The following PCDHGB5 variants were observed in gnomAD, a reference collection of about 807,000 sequenced individuals.
The protein encoded by PCDHGB5 is protocadherin gamma subfamily B, 5.
Under a neutral mutation model 62.9 loss-of-function variants are expected in PCDHGB5, and 48 were observed. That is an observed-to-expected ratio of 0.76 (90% CI 0.61 to 0.97). The LOEUF is 0.97. Ranked by LOEUF, PCDHGB5 falls within the 50% of genes least tolerant of loss-of-function variation. The probability of loss-of-function intolerance (pLI) is 0.00; values close to 1 mark genes in which losing one functional copy is unlikely to be tolerated. For synonymous variants in PCDHGB5, 474 were observed against 511.2 expected (o/e 0.93, Z 0.98); for missense variants, 1,118 against 1,198.6 (o/e 0.93, Z 0.99).
chr5:141,409,441 G>A (rs1432743588), intron 1 of PCDHGB5: 1 of 1,613,884 alleles, frequency 6.2e-7, no homozygotes, highest in Admixed American at 1.7e-5. Context: ...TGGACCGAGA[G>A]CAGACACCAG....
chr5:141,413,599 C>G, intron 1 of PCDHGB5: 2 of 1,613,830 alleles, frequency 1.2e-6, no homozygotes, highest in East Asian at 2.2e-5. Flanking sequence ...AGCAGAAAAT[C>G]TAGACGTAAA....
Position 141,400,525 on chromosome 5 carries a change from G to T in PCDHGB5, c.2397+1G>T. On this transcript the variant is annotated splice_donor_variant, in intron 1 of 3. Transcript: ENST00000617380. LOFTEE classifies it high-confidence loss of function. ...CGAGTCGACTTCCCATCCTGAGTTG[G>T]TGAGTTTCATTTATGTCTATTCTTT... 2 of 1,613,908 alleles carry T rather than the reference G, an allele frequency of 1.2e-6. No homozygotes were observed. The highest frequency in any genetic ancestry group is 1.7e-6 in the Non-Finnish European group (2 of 1,179,816).
rs756761584 is a variant in PCDHGB5 at position 141,476,545 on chromosome 5, G to A, written c.2398-18262G>A. 13 of 1,614,230 alleles carry A rather than the reference G, an allele frequency of 8.1e-6. No homozygotes were observed. The Admixed American group carries it at 2.2e-4, about 27-fold the overall frequency. On this transcript the variant is annotated intron_variant, in intron 1 of 3. Coordinates refer to ENST00000617380, the MANE Select transcript of PCDHGB5 (RefSeq NM_018925.3). This position sits in a 1 kb window ranked among gnomAD's most constrained non-coding sequence, Gnocchi z 7.6. ...TCCCTACCCAGGAAATGAAATTGGA[G>A]ATTAGCGAGGCCGTGGCTCCGGGGA...
chr5:141,417,754 C>A, intron 1 of PCDHGB5: 2 of 1,431,302 alleles, frequency 1.4e-6, no homozygotes, highest in Non-Finnish European at 1.8e-6. Flanking sequence ...TTGCCAGCTC[C>A]GAGACCCGGG....
Position 141,511,606 on chromosome 5 carries a change from G to A in PCDHGB5, c.*433G>A, listed in dbSNP as rs1160129762. The stretch of plus-strand genomic sequence containing the variant: ...TGTTGAAGTACCAAGTAACCTACAA[G>A]CCTCCTAGTTCTGAAAAGTTGGAAG... On this transcript the variant is annotated 3_prime_UTR_variant, in exon 4 of 4. Transcript: ENST00000617380. 2 of 248,594 alleles carry A rather than the reference G, an allele frequency of 8.0e-6. No individual in the cohort carries two copies. Among genetic ancestry groups the A allele is most frequent in the Non-Finnish European group, 1.6e-5 (2 of 123,946 alleles). 15.4% of individuals were successfully genotyped at this position (248,594 alleles called of 1,614,324 possible). A position where few individuals can be genotyped will look rare whatever the true frequency, so the allele number is the denominator to read the frequency against.
In PCDHGB5 at chr5:141,432,218, A is replaced by T. The variant is rs570925415; in HGVS notation, c.2397+31694A>T. On this transcript the variant is annotated intron_variant, in intron 1 of 3. Transcript: ENST00000617380. This position sits in a 1 kb window ranked among gnomAD's most constrained non-coding sequence, Gnocchi z 6.0. Reference sequence around the variant, plus strand: ...CCCCGACTGTGAAGAGAACGCCCAGATCACTTATTCCCTGGCTGAGAACAC... The same window carrying T: ...CCCCGACTGTGAAGAGAACGCCCAGTTCACTTATTCCCTGGCTGAGAACAC... The T allele has an allele frequency of 6.2e-7, 1 of 1,614,148 alleles. No homozygotes were observed. The highest frequency in any genetic ancestry group is 1.3e-5 in the African/African-American group (1 of 75,030).
At chr5:141,433,693 C>T (rs772152724) in intron 1 of PCDHGB5, among the ~76,000 whole-genome samples, 2 of 151,986 alleles carry the variant, frequency 1.3e-5, no homozygotes, top group Admixed American at 6.6e-5. Flanking sequence ...CAAAATTAGC[C>T]GGGCGTGGTG....
In PCDHGB5 at chr5:141,477,294, C is replaced by T. The variant is rs753131175; in HGVS notation, c.2398-17513C>T. ...GGGCTGGTGACCTGCGAAGTTCCAC[C>T]GGGTCTCCCTTTCAGCCTTACTTCT... is the stretch of plus-strand genomic sequence containing the variant. On this transcript the variant is annotated intron_variant, in intron 1 of 3. Transcript: ENST00000617380. The surrounding 1 kb of genome is among the most constrained non-coding windows in gnomAD (Gnocchi z 4.9). 4.3e-6 allele frequency: 7 copies of T among 1,614,142 alleles called. No individual in the cohort carries two copies. Among genetic ancestry groups the T allele is most frequent in the East Asian group, 4.5e-5 (2 of 44,872 alleles).
At chr5:141,482,530 C>CAAAAAAAAAAAAAAA (rs3074545) in intron 1 of PCDHGB5, among the ~76,000 whole-genome samples, 1 of 76,562 alleles carries the variant, frequency 1.3e-5, no homozygotes, top group African/African-American at 4.8e-5. Flanking sequence ...GACAGACATG[C>CAAAAAAAAAAAAAAA]AAAAAAAAAA....
At chr5:141,473,853 C>T (rs2099329853) in intron 1 of PCDHGB5, among the ~76,000 whole-genome samples, 1 of 152,128 alleles carries the variant, frequency 6.6e-6, no homozygotes, top group Non-Finnish European at 1.5e-5. Flanking sequence ...GGAAGATGAA[C>T]CTCGCTATTG....
At chr5:141,410,699 A>T (rs760193148) in intron 1 of PCDHGB5, 1 of 1,478,344 alleles carries the variant, frequency 6.8e-7, no homozygotes, top group East Asian at 2.3e-5. Flanking sequence ...CTTTATTTTC[A>T]TATCTAGAAT....
At chr5:141,427,599 C>T (rs1233253295) in intron 1 of PCDHGB5, 3 of 682,980 alleles carry the variant, frequency 4.4e-6, no homozygotes, top group South Asian at 3.0e-5. Flanking sequence ...CCTCACCCTA[C>T]GCATTGGTGA....
At chr5:141,419,588 A>T in intron 1 of PCDHGB5, 1 of 1,611,830 alleles carries the variant, frequency 6.2e-7, no homozygotes, top group East Asian at 2.2e-5. Flanking sequence ...GCTCTTCGAC[A>T]CAGTGCCGCG....
At chr5:141,420,817 A>G (rs547074952) in intron 1 of PCDHGB5, among the ~76,000 whole-genome samples, 2 of 152,354 alleles carry the variant, frequency 1.3e-5, no homozygotes, top group South Asian at 2.1e-4. Flanking sequence ...AGCCCTTTTA[A>G]TAATTACTCC....
At chr5:141,424,129 T>G in intron 1 of PCDHGB5, 1 of 492,066 alleles carries the variant, frequency 2.0e-6, no homozygotes, top group Non-Finnish European at 2.7e-6. Context: ...TCCTGTTGAT[T>G]TAATAGCATG....
chr5:141,497,596 G>C (rs920597006), intron 2 of PCDHGB5, among the ~76,000 whole-genome samples: 1 of 149,648 alleles, frequency 6.7e-6, no homozygotes, highest in Admixed American at 6.7e-5. Context: ...CTGGAGTGCA[G>C]TGGTGCGATC....
intron 1 of PCDHGB5, among the ~76,000 whole-genome samples, chr5:141,438,788 A>G (rs1024095720): frequency 3.3e-5 from 5 of 149,742 alleles, no homozygotes; most frequent in Non-Finnish European, 7.4e-5. Flanking sequence ...CAGCCTCTCC[A>G]GTAGCTGGGA....
Position 141,456,287 on chromosome 5 carries a change from C to A in PCDHGB5, c.2398-38520C>A, listed in dbSNP as rs951430060. On this transcript the variant is annotated intron_variant, in intron 1 of 3. Transcript: ENST00000617380. ...CTGGCTACTTCCTGCTGAAAAGGGGCGTCTAATGGAGAACAGCAGCTAGGG... is the reference window on the plus strand; with the variant it reads ...CTGGCTACTTCCTGCTGAAAAGGGGAGTCTAATGGAGAACAGCAGCTAGGG... Among the ~76,000 whole-genome samples, 11 of 152,166 alleles carry A rather than the reference C, an allele frequency of 7.2e-5. No individual in the cohort carries two copies. In the East Asian group the frequency reaches 1.9e-3, roughly 27 times the overall value.
rs752316565 is a variant in PCDHGB5 at position 141,487,235 on chromosome 5, C to T, written c.2398-7572C>T. On this transcript the variant is annotated intron_variant, in intron 1 of 3. Coordinates refer to ENST00000617380, the MANE Select transcript of PCDHGB5 (RefSeq NM_018925.3). This position sits in a 1 kb window ranked among gnomAD's most constrained non-coding sequence, Gnocchi z 5.0. The stretch of plus-strand genomic sequence containing the variant: ...TTCAGCTCCAAGGGAAGGAGAATCT[C>T]GTCTAACCCTCTACTTGGCTGTGTC... The T allele has an allele frequency of 2.5e-6, 4 of 1,614,126 alleles. No individual in the cohort carries two copies. Among genetic ancestry groups the T allele is most frequent in the Non-Finnish European group, 3.4e-6 (4 of 1,179,994 alleles).
Sources: allele counts gnomAD v4.1 joint callset (sites outside exome capture counted in the v4.1 genomes callset), GRCh38; gene constraint gnomAD v4.1.1; non-coding constraint Gnocchi (gnomAD v3.1); transcripts MANE v1.5; gene names NCBI Gene and HGNC (gene_info 2026-07-23, HGNC 2026-07-21).